COL12A1: variants seen among roughly 807,000 people sequenced by gnomAD.
COL12A1 encodes the protein collagen alpha-1(XII) chain.
COL12A1 carries 114 observed loss-of-function variants against 349.7 expected under a neutral mutation model. The observed-to-expected ratio is 0.33, with a 90% confidence interval of 0.28 to 0.38. The LOEUF (loss-of-function observed/expected upper bound fraction) is 0.38, where lower values mean the gene tolerates loss of function less well. COL12A1 is among the 10% of genes least tolerant of loss of function. The pLI is 1.00. For missense variants in COL12A1, 3,284 were observed against 3,756.9 expected (o/e 0.87, Z 3.29); for synonymous variants, 1,369 against 1,329.0 (o/e 1.03, Z -0.66).
At chr6:75,179,945 G>A (rs1385794046) in intron 11 of COL12A1, among the ~76,000 whole-genome samples, 1 of 152,196 alleles carries the variant, frequency 6.6e-6, no homozygotes, top group Non-Finnish European at 1.5e-5. Context: ...CATGTTCATA[G>A]CAGCAATATT....
At position 75,145,455 on chromosome 6, in the gene COL12A1, C is replaced by A. The variant is rs1582127614; in HGVS notation, c.4561G>T (p.Val1521Leu). The A allele has an allele frequency of 6.2e-7, 1 of 1,613,318 alleles. No individual in the cohort carries two copies. The highest frequency in any genetic ancestry group is 8.5e-7 in the Non-Finnish European group (1 of 1,179,548). Reference protein sequence around the residue: ...KDTEPTRPKEVRLGPTVNDMQ... With the variant: ...KDTEPTRPKELRLGPTVNDMQ... ...TCATTCACTGTTGGCCCCAAACGCA[C>A]CTGCACATGGATATGTGGAGCAGAA... Residue 1521 changes from valine (V) to leucine (L), a missense_variant and splice_region_variant, in exon 25 of 66, where the codon GTG becomes TTG. Physicochemically the swap from Val to Leu is conservative, Grantham distance 32. Coordinates refer to ENST00000322507, the MANE Select transcript of COL12A1 (RefSeq NM_004370.6).
chr6:75,145,649 T>C (rs1281843566), intron 24 of COL12A1, among the ~76,000 whole-genome samples, 194 bp from the exon 25 acceptor site: 2 of 151,524 alleles, frequency 1.3e-5, no homozygotes, highest in African/African-American at 4.9e-5. Context: ...GTTTTGTTTT[T>C]GAGACAGAGT....
At chr6:75,138,397 T>A (rs751399321) in intron 29 of COL12A1, 51 bp downstream of exon 29, 13 of 1,606,878 alleles carry the variant, frequency 8.1e-6, no homozygotes, top group Admixed American at 5.1e-5. Context: ...CCCTATTTTT[T>A]AAAAATTAAC....
intron 46 of COL12A1, among the ~76,000 whole-genome samples, chr6:75,118,808 T>C (rs942801690): frequency 1.3e-5 from 2 of 152,210 alleles, no homozygotes; most frequent in African/African-American, 4.8e-5. Flanking sequence ...TGGGAAAATG[T>C]GGTTTGCCCC....
In COL12A1 at chr6:75,189,413, T is replaced by G. The variant is rs755469945; in HGVS notation, c.659-32A>C. On this transcript the variant is annotated intron_variant, in intron 6 of 65. Transcript: ENST00000322507. The stretch of plus-strand genomic sequence containing the variant: ...GGAAAAGAAACATGTTCATTTACTC[T>G]GTACTACACAATTTTTCCAAAGTCA... 33 of 1,593,978 alleles carry G rather than the reference T, an allele frequency of 2.1e-5. No individual in the cohort carries two copies. The Admixed American group carries it at 3.6e-4, about 17-fold the overall frequency.
At chr6:75,098,469 C>A (rs1388244148) in intron 58 of COL12A1, among the ~76,000 whole-genome samples, 1 of 152,120 alleles carries the variant, frequency 6.6e-6, no homozygotes, top group Non-Finnish European at 1.5e-5. Flanking sequence ...GCCTGGGCAA[C>A]ATAAGAAGAC....
At chr6:75,137,022 G>C (rs1766644101) in intron 31 of COL12A1, among the ~76,000 whole-genome samples, 1 of 152,230 alleles carries the variant, frequency 6.6e-6, no homozygotes, top group East Asian at 1.9e-4. Context: ...AAAACAGGGG[G>C]AAATGAGATA....
Position 75,138,472 on chromosome 6 carries a change from C to A in COL12A1, c.5206G>T (p.Asp1736Tyr). The A allele has an allele frequency of 6.2e-7, 1 of 1,613,906 alleles. No individual in the cohort carries two copies. The highest frequency in any genetic ancestry group is 8.5e-7 in the Non-Finnish European group (1 of 1,179,926). Reference sequence around the variant, plus strand: ...CGTGTGCGCTCACTGCCAATCAGGTCATCACTTTCTGACTCATCAGGATAG... The same window carrying A: ...CGTGTGCGCTCACTGCCAATCAGGTAATCACTTTCTGACTCATCAGGATAG... ...AIYPDESESD[D>Y]LIGSERTLPI... is the part of the protein sequence containing the mutation. The change falls in exon 29 of 66, where the codon GAC (aspartate) becomes TAC (tyrosine). Residue 1736 changes from aspartate to tyrosine, a missense_variant. Physicochemically the swap from Asp to Tyr is radical, Grantham distance 160 (BLOSUM62 -3). Around this residue, in one of 2 missense-constraint regions of COL12A1, gnomAD observed 2,601 missense variants for 2,824.8 expected, o/e 0.92. Coordinates refer to ENST00000322507, the MANE Select transcript of COL12A1 (RefSeq NM_004370.6).
At chr6:75,159,850 C>CA (rs150573944) in intron 14 of COL12A1, among the ~76,000 whole-genome samples, 4,630 of 148,398 alleles carry the variant, frequency 0.031, 177 homozygotes, top group East Asian at 0.13. Flanking sequence ...ACTTAAGTTT[C>CA]AAAAAAAAAT....
In COL12A1 at chr6:75,128,385, G is replaced by A. The variant is rs1213911974; in HGVS notation, c.6251C>T (p.Pro2084Leu). The A allele has an allele frequency of 6.2e-7, 1 of 1,608,408 alleles. No homozygotes were observed. The highest frequency in any genetic ancestry group is 8.5e-7 in the Non-Finnish European group (1 of 1,177,230). The change falls in exon 38 of 66, where the codon CCC (proline) becomes CTC (leucine). Residue 2084 changes from proline to leucine, a missense_variant. Around this residue, in one of 2 missense-constraint regions of COL12A1, gnomAD observed 2,601 missense variants for 2,824.8 expected, o/e 0.92. Transcript: ENST00000322507. Reference sequence around the variant, plus strand: ...TTTATATGGAGTGTCAGGTTGCAGGGGCTGCAGTATTACATTGTTTCTTCT... The same window carrying A: ...TTTATATGGAGTGTCAGGTTGCAGGAGCTGCAGTATTACATTGTTTCTTCT... Reference protein sequence around the residue: ...PGRRNNVILQPLQPDTPYKIT... With the variant: ...PGRRNNVILQLLQPDTPYKIT...
In COL12A1 at chr6:75,105,341, G is replaced by A. The variant is rs372138062; in HGVS notation, c.8179-49C>T. The A allele has an allele frequency of 5.8e-5, 83 of 1,425,184 alleles. No homozygotes were observed. In the African/African-American group the frequency reaches 8.4e-4, roughly 14 times the overall value. 88.3% of individuals were successfully genotyped at this position (1,425,184 alleles called of 1,614,324 possible). A position where few individuals can be genotyped will look rare whatever the true frequency, so the allele number is the denominator to read the frequency against. ...ACCTTTAAATTTAGAGGAAAAAAAT[G>A]ACTTCCCATCCCCACCCCCACTTAC... is the stretch of plus-strand genomic sequence containing the variant. On this transcript the variant is annotated intron_variant, in intron 53 of 65. Coordinates refer to ENST00000322507, the MANE Select transcript of COL12A1 (RefSeq NM_004370.6).
In COL12A1 at chr6:75,175,028, T is replaced by C. The variant is rs776736406; in HGVS notation, c.2710+10A>G. 4.3e-6 allele frequency: 7 copies of C among 1,612,186 alleles called. No homozygotes were observed. Among genetic ancestry groups the C allele is most frequent in the South Asian group, 3.3e-5 (3 of 90,720 alleles). On this transcript the variant is annotated intron_variant, in intron 13 of 65. Coordinates refer to ENST00000322507, the MANE Select transcript of COL12A1 (RefSeq NM_004370.6). The stretch of plus-strand genomic sequence containing the variant: ...GTTCCTGGATTTTCAGAAAATATGA[T>C]GGTAATTACCTTCAAGTGTTGTTCC...
At chr6:75,103,859 A>G in intron 54 of COL12A1, 49 bp from the exon 55 acceptor site, 1 of 1,448,208 alleles carries the variant, frequency 6.9e-7, no homozygotes, top group Non-Finnish European at 9.5e-7. Flanking sequence ...AAATAGGAGG[A>G]AGTTGATATA....
chr6:75,117,660 G>C, intron 46 of COL12A1, 114 bp from the exon 47 acceptor site: 1 of 1,105,162 alleles, frequency 9.0e-7, no homozygotes, highest in Non-Finnish European at 1.3e-6. Flanking sequence ...AATGTATGCA[G>C]CAAGTCCTTT....
At chr6:75,138,725 C>T in intron 28 of COL12A1, 97 bp downstream of exon 28, 2 of 1,549,514 alleles carry the variant, frequency 1.3e-6, no homozygotes. Flanking sequence ...TCAATAAATG[C>T]TTATTGACAA....
chr6:75,108,017 A>G (rs1277278068), intron 52 of COL12A1, among the ~76,000 whole-genome samples: 2 of 152,220 alleles, frequency 1.3e-5, no homozygotes, highest in Non-Finnish European at 2.9e-5. Context: ...AATAATAACT[A>G]TAGAAGCCAA....
intron 25 of COL12A1, among the ~76,000 whole-genome samples, chr6:75,144,010 C>A (rs1386385912): frequency 6.6e-6 from 1 of 152,204 alleles, no homozygotes; most frequent in African/African-American, 2.4e-5. Context: ...CTCTTTCCAG[C>A]TGCCCATTTG....
intron 27 of COL12A1, among the ~76,000 whole-genome samples, chr6:75,140,433 G>C (rs1268730665): frequency 2.0e-5 from 3 of 152,104 alleles, no homozygotes; most frequent in Non-Finnish European, 2.9e-5. Flanking sequence ...GAGGCGGGCG[G>C]ATCACGAGGT....
chr6:75,187,363 AG>A (rs1479159662), intron 8 of COL12A1, among the ~76,000 whole-genome samples: 3 of 152,034 alleles, frequency 2.0e-5, no homozygotes, highest in African/African-American at 7.2e-5. Context: ...ATGTAGCCCC[AG>A]CCCCCTACAC....
Sources: allele counts gnomAD v4.1 joint callset (sites outside exome capture counted in the v4.1 genomes callset), GRCh38; gene constraint gnomAD v4.1.1; regional missense constraint gnomAD v4.1.1; transcripts MANE v1.5; gene names NCBI Gene and HGNC (gene_info 2026-07-23, HGNC 2026-07-21).